The following MCF2L2 variants were observed in gnomAD, a reference collection of about 807,000 sequenced individuals.
The protein encoded by MCF2L2 is MCF.2 cell line derived transforming sequence-like 2.
MCF2L2 carries 102 observed loss-of-function variants against 150.2 expected under a neutral mutation model. The ratio of observed to expected loss-of-function variants is 0.68; its 90% CI spans 0.58 to 0.80. MCF2L2 has a LOEUF of 0.80. Among genes scored for constraint, MCF2L2 ranks in the 30% least tolerant of loss-of-function variants. MCF2L2 has a pLI of 0.00. For synonymous variants in MCF2L2, 465 were observed against 491.3 expected (o/e 0.95, Z 0.71); for missense variants, 1,256 against 1,372.8 (o/e 0.91, Z 1.34).
At chr3:183,308,578 T>A (rs996046408) in intron 10 of MCF2L2, among the ~76,000 whole-genome samples, 1 of 152,196 alleles carries the variant, frequency 6.6e-6, no homozygotes, top group Non-Finnish European at 1.5e-5. Flanking sequence ...GGGATCTGGA[T>A]ACACAGCTGG....
chr3:183,187,406 A>T (rs1263674184), intron 27 of MCF2L2, among the ~76,000 whole-genome samples: 2 of 152,196 alleles, frequency 1.3e-5, no homozygotes, highest in Admixed American at 6.5e-5. Context: ...AGAATTAAAA[A>T]TTTTCAGCAC....
At chr3:183,275,845 GGCTCGAGCAATCC>G (rs1208617766) in intron 15 of MCF2L2, among the ~76,000 whole-genome samples, 1 of 152,064 alleles carries the variant, frequency 6.6e-6, no homozygotes, top group Non-Finnish European at 1.5e-5. Context: ...TCAACTCCTG[GGCTCGAGCAATCC>G]TCCTACCTCA....
At chr3:183,328,685 T>G (rs1046442775) in intron 5 of MCF2L2, among the ~76,000 whole-genome samples, 3 of 152,228 alleles carry the variant, frequency 2.0e-5, no homozygotes, top group African/African-American at 7.2e-5. Flanking sequence ...TAAGCTGGAC[T>G]TCATCCAAAT....
At chr3:183,395,872 C>A (rs2108605750) in intron 1 of MCF2L2, among the ~76,000 whole-genome samples, 1 of 137,594 alleles carries the variant, frequency 7.3e-6, no homozygotes, top group Non-Finnish European at 1.5e-5. Flanking sequence ...GAGCTGTGAT[C>A]ATGCCACTGC....
Position 183,207,740 on chromosome 3 carries a change from C to T in MCF2L2, c.2580G>A (p.Lys860=). Residue 860 remains lysine, a synonymous_variant, in exon 23 of 30, where the codon AAG becomes AAA. Transcript: ENST00000328913. ...GGCTGGGTTTAAATCGAATCAAATC[C>T]TTCATTTTATAACGATCCTTGTGAA... ...WTIHKDRYKM[K]DLIRFKPSQR... 2 of 1,614,166 alleles carry T rather than the reference C, an allele frequency of 1.2e-6. No individual in the cohort carries two copies. Among genetic ancestry groups the T allele is most frequent in the Non-Finnish European group, 1.7e-6 (2 of 1,180,030 alleles).
chr3:183,276,810 G>T, intron 15 of MCF2L2, 62 bp downstream of exon 15: 2 of 1,146,416 alleles, frequency 1.7e-6, no homozygotes, highest in Non-Finnish European at 2.6e-6. Context: ...TAAAAGAGAG[G>T]ATCCTCGCCA....
intron 2 of MCF2L2, among the ~76,000 whole-genome samples, chr3:183,388,636 T>C (rs969093667): frequency 5.3e-5 from 8 of 152,186 alleles, no homozygotes; most frequent in Non-Finnish European, 1.0e-4. Flanking sequence ...AGGAGGACCC[T>C]GTATTTATGG....
rs191652851 is a variant in MCF2L2 at position 183,216,679 on chromosome 3, G to A, written c.2371-585C>T. Among the ~76,000 whole-genome samples, 253 of 138,306 alleles carry A rather than the reference G, an allele frequency of 1.8e-3. 1 individual carries two copies. Among genetic ancestry groups the A allele is most frequent in the African/African-American group, 7.0e-3 (245 of 35,048 alleles). 90.7% of individuals were successfully genotyped at this position (138,306 alleles called of 152,430 possible). ...GAGTGCAGAGGCACGATCTCGGCTC[G>A]CTGCAACCTCTGCCTCCTGGATTCA... is the stretch of plus-strand genomic sequence containing the variant. On this transcript the variant is annotated intron_variant, in intron 21 of 29. Coordinates refer to ENST00000328913, the MANE Select transcript of MCF2L2 (RefSeq NM_015078.4).
rs142274192 is a variant in MCF2L2 at position 183,281,226 on chromosome 3, G to A, written c.1777-4269C>T. On this transcript the variant is annotated intron_variant, in intron 14 of 29. Transcript: ENST00000328913. Reference sequence around the variant, plus strand: ...GGTGAGAAGAAGGGAAGGAAATAAAGGCAAAGGCATTTGCCCACAGCCTCA... The same window carrying A: ...GGTGAGAAGAAGGGAAGGAAATAAAAGCAAAGGCATTTGCCCACAGCCTCA... Among the ~76,000 whole-genome samples the A allele has an allele frequency of 6.0e-3, 913 of 152,266 alleles. 9 individuals carry two copies. The highest frequency in any genetic ancestry group is 0.02 in the African/African-American group (848 of 41,532).
Position 183,228,283 on chromosome 3 carries a change from G to T in MCF2L2, c.2115+14C>A, listed in dbSNP as rs908308138. On this transcript the variant is annotated intron_variant, in intron 18 of 29. Coordinates refer to ENST00000328913, the MANE Select transcript of MCF2L2 (RefSeq NM_015078.4). ...TGACTTTAACATGATTATTTACTGG[G>T]AGTACAGACTTACTCTCTTGAGAAA... 6.2e-7 allele frequency: 1 copy of T among 1,600,340 alleles called. No homozygotes were observed.
At chr3:183,409,551 CTTT>C (rs11336262) in intron 1 of MCF2L2, among the ~76,000 whole-genome samples, 20 of 121,724 alleles carry the variant, frequency 1.6e-4, no homozygotes, top group African/African-American at 5.1e-4. Flanking sequence ...GCTAAAATTT[CTTT>C]TTTTTTTTTT....
At chr3:183,271,193 A>G (rs1255392724) in intron 15 of MCF2L2, 1 of 318,794 alleles carries the variant, frequency 3.1e-6, no homozygotes, top group Non-Finnish European at 6.0e-6. Flanking sequence ...GGGAAGTTCA[A>G]GTTCTCATGT....
rs1730835146 is a variant in MCF2L2, at chr3:183,344,763, CAG to C, written c.276-3135_276-3134del. Among the ~76,000 whole-genome samples the C allele has an allele frequency of 3.9e-5, 6 of 152,166 alleles. No homozygotes were observed. The South Asian group carries it at 1.2e-3, about 32-fold the overall frequency. On this transcript the variant is annotated intron_variant, in intron 3 of 29. Transcript: ENST00000328913. ...CACACAAATGGAAAGAAAAAAAAGA[CAG>C]GGGTTGCAATCCTAGTCTCTGATAA...
chr3:183,306,498 C>G (rs964178251), intron 10 of MCF2L2, among the ~76,000 whole-genome samples: 2 of 152,158 alleles, frequency 1.3e-5, no homozygotes, highest in African/African-American at 4.8e-5. Flanking sequence ...CCCGAGGACT[C>G]TGCTGGTATA....
chr3:183,214,392 T>A (rs889138338), intron 22 of MCF2L2, among the ~76,000 whole-genome samples: 1 of 151,864 alleles, frequency 6.6e-6, no homozygotes, highest in African/African-American at 2.4e-5. Context: ...CACCTTGGAG[T>A]CCCAGGGGAC....
chr3:183,314,739 T>C (rs1254978193), intron 7 of MCF2L2, among the ~76,000 whole-genome samples: 1 of 150,750 alleles, frequency 6.6e-6, no homozygotes, highest in Non-Finnish European at 1.5e-5. Context: ...AATCTTATAA[T>C]AGTTTTTCAC....
At chr3:183,261,404 T>C (rs1725570178) in intron 15 of MCF2L2, among the ~76,000 whole-genome samples, 1 of 152,198 alleles carries the variant, frequency 6.6e-6, no homozygotes, top group Non-Finnish European at 1.5e-5. Flanking sequence ...CTTTCTTTCC[T>C]TTAGTTATGT....
intron 1 of MCF2L2, among the ~76,000 whole-genome samples, chr3:183,392,909 C>A (rs1371168712): frequency 6.6e-6 from 1 of 152,190 alleles, no homozygotes; most frequent in African/African-American, 2.4e-5. Flanking sequence ...TGAAAGAACA[C>A]CTCCACTGCA....
chr3:183,362,072 A>G (rs1712241763), intron 3 of MCF2L2, among the ~76,000 whole-genome samples: 1 of 152,252 alleles, frequency 6.6e-6, no homozygotes, highest in Middle Eastern at 3.4e-3. Flanking sequence ...AATATTCCAA[A>G]ATCTGAAAAC....
Sources: gnomAD v4.1 joint callset for allele counts (sites outside exome capture counted in the v4.1 genomes callset) on GRCh38, gnomAD v4.1.1 for gene constraint, MANE v1.5 for transcripts, NCBI Gene and HGNC (gene_info 2026-07-23, HGNC 2026-07-21) for gene names.